Variants in SLC22A3 observed in about 807,000 individuals in gnomAD.
The protein encoded by SLC22A3 is solute carrier family 22 member 3, also known as EMT organic cation transporter 3.
A neutral mutation model predicts 59.1 loss-of-function variants in SLC22A3; 51 were observed. The ratio of observed to expected loss-of-function variants is 0.86; its 90% CI spans 0.69 to 1.09. The LOEUF (loss-of-function observed/expected upper bound fraction) is 1.09, where lower values mean the gene tolerates loss of function less well. Among genes scored for constraint, SLC22A3 ranks in the 50% least tolerant of loss-of-function variants. SLC22A3 has a pLI of 0.00. For synonymous variants in SLC22A3, 325 were observed against 292.0 expected, an observed-to-expected ratio of 1.11 and a Z score of -1.15; for missense variants, 711 against 726.3, an observed-to-expected ratio of 0.98 and a Z score of 0.24.
intron 1 of SLC22A3, among the ~76,000 whole-genome samples, chr6:160,361,226 A>T (rs966173148): frequency 6.6e-6 from 1 of 152,240 alleles, no homozygotes; most frequent in African/African-American, 2.4e-5. Flanking sequence ...CAATCTGCCT[A>T]TCACCATGTA....
chr6:160,431,184 T>C (rs1300278292), intron 5 of SLC22A3, among the ~76,000 whole-genome samples: 3 of 152,250 alleles, frequency 2.0e-5, no homozygotes, highest in Non-Finnish European at 4.4e-5. Flanking sequence ...CATTTTGTTT[T>C]TTTGTGTGTC....
intron 1 of SLC22A3, among the ~76,000 whole-genome samples, chr6:160,351,549 G>C (rs1784661430): frequency 6.6e-6 from 1 of 152,194 alleles, no homozygotes. Context: ...ATTCTGCATA[G>C]CTAATATTTT....
chr6:160,386,533 T>A (rs1786023469), intron 1 of SLC22A3, among the ~76,000 whole-genome samples: 1 of 152,230 alleles, frequency 6.6e-6, no homozygotes, highest in South Asian at 2.1e-4. Flanking sequence ...GAAGCAAAGC[T>A]TCTGCTAGGT....
intron 5 of SLC22A3, among the ~76,000 whole-genome samples, chr6:160,413,579 A>G (rs553994056): frequency 1.3e-5 from 2 of 152,162 alleles, no homozygotes; most frequent in Non-Finnish European, 2.9e-5. Context: ...GTAGGAACAC[A>G]TAGGTATCTC....
At chr6:160,392,292 C>T (rs1411800806) in intron 1 of SLC22A3, among the ~76,000 whole-genome samples, 1 of 152,152 alleles carries the variant, frequency 6.6e-6, no homozygotes, top group Non-Finnish European at 1.5e-5. Flanking sequence ...TACCTAAATC[C>T]AGCTCATTGT....
intron 7 of SLC22A3, among the ~76,000 whole-genome samples, chr6:160,437,944 C>G (rs1166428926): frequency 6.6e-6 from 1 of 152,100 alleles, no homozygotes; most frequent in Non-Finnish European, 1.5e-5. Flanking sequence ...GACAAGGAGC[C>G]TGAGAGATGA....
At chr6:160,441,422 T>C (rs1403163272) in intron 7 of SLC22A3, among the ~76,000 whole-genome samples, 4 of 152,122 alleles carry the variant, frequency 2.6e-5, no homozygotes, top group Non-Finnish European at 4.4e-5. Flanking sequence ...CTGCCTGATA[T>C]AACCGTTAAC....
At chr6:160,402,384 G>C (rs1368178405) in intron 2 of SLC22A3, among the ~76,000 whole-genome samples, 1 of 151,798 alleles carries the variant, frequency 6.6e-6, no homozygotes, top group Admixed American at 6.6e-5. Flanking sequence ...AAAATTATAA[G>C]AGGCAAAAAC....
chr6:160,361,948 G>C (rs2114753174), intron 1 of SLC22A3, among the ~76,000 whole-genome samples: 1 of 152,306 alleles, frequency 6.6e-6, no homozygotes, highest in African/African-American at 2.4e-5. Flanking sequence ...GTGGTAACTT[G>C]AGAATACAAT....
intron 5 of SLC22A3, among the ~76,000 whole-genome samples, chr6:160,419,159 T>C (rs556376927): frequency 6.6e-6 from 1 of 152,264 alleles, no homozygotes; most frequent in South Asian, 2.1e-4. Flanking sequence ...TTAGAAAGTG[T>C]CTTACTGATT....
intron 1 of SLC22A3, among the ~76,000 whole-genome samples, chr6:160,368,545 C>T (rs1785286204): frequency 6.6e-6 from 1 of 152,228 alleles, no homozygotes; most frequent in Non-Finnish European, 1.5e-5. Flanking sequence ...CTGTGTTCCT[C>T]TGCAGCTGAG....
At chr6:160,373,182 C>T (rs570493338) in intron 1 of SLC22A3, among the ~76,000 whole-genome samples, 5 of 152,242 alleles carry the variant, frequency 3.3e-5, no homozygotes, top group South Asian at 4.2e-4. Flanking sequence ...CTTCAGATGG[C>T]GTTTCTGTGT....
intron 1 of SLC22A3, among the ~76,000 whole-genome samples, chr6:160,353,331 A>G (rs532846876): frequency 6.6e-6 from 1 of 152,368 alleles, no homozygotes; most frequent in Non-Finnish European, 1.5e-5. Flanking sequence ...TTGGATTATC[A>G]ACATCAGTTC....
At chr6:160,448,662 T>C (rs1788839528) in intron 10 of SLC22A3, among the ~76,000 whole-genome samples, 1 of 144,180 alleles carries the variant, frequency 6.9e-6, no homozygotes, top group African/African-American at 2.4e-5. Context: ...TCAAGAAAAA[T>C]TCACATTACA....
chr6:160,414,538 A>T (rs2114868302), intron 5 of SLC22A3, among the ~76,000 whole-genome samples: 1 of 152,336 alleles, frequency 6.6e-6, no homozygotes, highest in Non-Finnish European at 1.5e-5. Flanking sequence ...AGAACTGCCC[A>T]AGACTGGGTA....
In SLC22A3 at chr6:160,397,644, G is replaced by A. The variant is rs547820551; in HGVS notation, c.430-335G>A. Among the ~76,000 whole-genome samples, 4 of 149,858 alleles carry A rather than the reference G, an allele frequency of 2.7e-5. No individual in the cohort carries two copies. In the South Asian group the frequency reaches 8.4e-4, roughly 31 times the overall value. ...AGCTACTCAGGAGGCTGAGGCAGGAGAATCGCTTGAACCCGAGAGGCAGAG... is the reference window on the plus strand; with the variant it reads ...AGCTACTCAGGAGGCTGAGGCAGGAAAATCGCTTGAACCCGAGAGGCAGAG... On this transcript the variant is annotated intron_variant, in intron 1 of 10. Coordinates refer to ENST00000275300, the MANE Select transcript of SLC22A3 (RefSeq NM_021977.4).
Position 160,361,594 on chromosome 6 carries a change from C to T in SLC22A3, c.429+12746C>T, listed in dbSNP as rs553115998. On this transcript the variant is annotated intron_variant, in intron 1 of 10. Transcript: ENST00000275300. Reference sequence around the variant, plus strand: ...TGACATGTGTTCAACTCACTTAATCCCTACCCACTTCATGAGGCATGTGCC... The same window carrying T: ...TGACATGTGTTCAACTCACTTAATCTCTACCCACTTCATGAGGCATGTGCC... 3.3e-5 allele frequency among the ~76,000 whole-genome samples: 5 copies of T among 152,296 alleles called. No individual in the cohort carries two copies. In the East Asian group the frequency reaches 9.7e-4, roughly 29 times the overall value.
At chr6:160,383,058 C>G (rs73589298) in intron 1 of SLC22A3, among the ~76,000 whole-genome samples, 1 of 152,086 alleles carries the variant, frequency 6.6e-6, no homozygotes, top group Non-Finnish European at 1.5e-5. Context: ...CACACAAAAT[C>G]CAAGCTCTGC....
chr6:160,403,442 G>T (rs538617093), intron 2 of SLC22A3, among the ~76,000 whole-genome samples: 28 of 151,896 alleles, frequency 1.8e-4, no homozygotes, highest in African/African-American at 6.7e-4. Flanking sequence ...GGCCCAGATG[G>T]GTTCACAGGT....
Sources: gnomAD v4.1 joint callset for allele counts (sites outside exome capture counted in the v4.1 genomes callset) on GRCh38, gnomAD v4.1.1 for gene constraint, MANE v1.5 for transcripts, NCBI Gene and HGNC (gene_info 2026-07-23, HGNC 2026-07-21) for gene names.